Variants in ASF1B observed in about 807,000 individuals in gnomAD.
ASF1B encodes the protein histone chaperone ASF1B.
ASF1B carries 10 observed loss-of-function variants against 16.6 expected under a neutral mutation model. The ratio of observed to expected loss-of-function variants is 0.60; its 90% confidence interval spans 0.37 to 1.02. ASF1B has a LOEUF of 1.02. Ranked by LOEUF, ASF1B falls within the 50% of genes least tolerant of loss-of-function variation. The pLI is 0.01. For synonymous variants in ASF1B, 101 were observed against 106.2 expected, an observed-to-expected ratio of 0.95 and a Z score of 0.30; for missense variants, 240 against 266.0, an observed-to-expected ratio of 0.90 and a Z score of 0.68.
intron 1 of ASF1B, among the ~76,000 whole-genome samples, chr19:14,135,135 A>T (rs1234141168): frequency 6.6e-6 from 1 of 151,478 alleles, no homozygotes; most frequent in Non-Finnish European, 1.5e-5. Context: ...GAGGCAGAAG[A>T]ATCGCTTGAA....
chr19:14,123,759 C>G (rs887242049), intron 2 of ASF1B, among the ~76,000 whole-genome samples: 44 of 151,192 alleles, frequency 2.9e-4, no homozygotes, highest in Non-Finnish European at 3.4e-4. Flanking sequence ...CTGTAAACTC[C>G]TGGAACTCCT....
At chr19:14,128,564 T>C (rs568511100) in intron 1 of ASF1B, among the ~76,000 whole-genome samples, 1 of 152,280 alleles carries the variant, frequency 6.6e-6, no homozygotes, top group Non-Finnish European at 1.5e-5. Flanking sequence ...AGCCACAAAT[T>C]CCTGCGCTCA....
In ASF1B at chr19:14,136,443, G is replaced by A. The variant is rs761922509; in HGVS notation, c.14C>T (p.Ser5Leu). The change falls in exon 1 of 4, where the codon TCG (serine) becomes TTG (leucine). Residue 5 changes from serine (S) to leucine (L), a missense_variant. Transcript: ENST00000263382. The part of the protein sequence containing the change: MAKV[S>L]VLNVAVLENP... The stretch of plus-strand genomic sequence containing the variant: ...CTCCAGGACCGCCACGTTCAGCACC[G>A]ACACCTTGGCCATCGCCTCGCCTCG... 1.1e-5 allele frequency: 17 copies of A among 1,613,020 alleles called. No individual in the cohort carries two copies. The South Asian group carries it at 1.8e-4, about 17-fold the overall frequency.
Position 14,121,663 on chromosome 19 carries a change from C to G in ASF1B, c.271G>C (p.Gly91Arg), listed in dbSNP as rs1243951569. The G allele has an allele frequency of 6.2e-7, 1 of 1,613,966 alleles. No homozygotes were observed. Among genetic ancestry groups the G allele is most frequent in the South Asian group, 1.1e-5 (1 of 91,066 alleles). Residue 91 changes from glycine to arginine, a missense_variant, in exon 3 of 4, where the codon GGT becomes CGT. Coordinates refer to ENST00000263382, the MANE Select transcript of ASF1B (RefSeq NM_018154.3). ...CAGGTGATGAGGACCACAGTCACACCCACGGCATCAGTCTCTGGGATGAGG... is the reference window on the plus strand; with the variant it reads ...CAGGTGATGAGGACCACAGTCACACGCACGGCATCAGTCTCTGGGATGAGG... ...PSLIPETDAV[G>R]VTVVLITCTY...
chr19:14,121,418 G>A, intron 3 of ASF1B, 114 bp downstream of exon 3: 2 of 1,192,200 alleles, frequency 1.7e-6, no homozygotes, highest in Non-Finnish European at 2.4e-6. Context: ...TGTAAGAACT[G>A]AATATTACTT....
intron 1 of ASF1B, among the ~76,000 whole-genome samples, chr19:14,134,496 C>G (rs771593260): frequency 1.4e-4 from 22 of 151,950 alleles, no homozygotes; most frequent in Admixed American, 3.3e-4. Context: ...CATATCCTGG[C>G]TTCACAGGCC....
chr19:14,129,011 C>T (rs1266432538), intron 1 of ASF1B, among the ~76,000 whole-genome samples: 1 of 152,142 alleles, frequency 6.6e-6, no homozygotes, highest in Non-Finnish European at 1.5e-5. Flanking sequence ...CAATACTAAT[C>T]GGCAAAACCT....
At chr19:14,123,881 C>T (rs1011464028) in intron 2 of ASF1B, among the ~76,000 whole-genome samples, 4 of 151,804 alleles carry the variant, frequency 2.6e-5, no homozygotes, top group South Asian at 4.2e-4. Context: ...ACTTCCGCCC[C>T]CTGGATTCAA....
intron 2 of ASF1B, among the ~76,000 whole-genome samples, chr19:14,122,623 G>A (rs2144509517): frequency 6.6e-6 from 1 of 152,264 alleles, no homozygotes; most frequent in South Asian, 2.1e-4. Flanking sequence ...GCCTCCCAAA[G>A]GGCTGGGATT....
At chr19:14,128,916 C>T (rs1471129884) in intron 1 of ASF1B, among the ~76,000 whole-genome samples, 2 of 152,146 alleles carry the variant, frequency 1.3e-5, no homozygotes, top group Admixed American at 6.5e-5. Flanking sequence ...GAATCCTGTA[C>T]GGGTGCATTT....
intron 2 of ASF1B, among the ~76,000 whole-genome samples, chr19:14,122,137 G>A (rs1243440702): frequency 6.6e-6 from 1 of 152,004 alleles, no homozygotes; most frequent in East Asian, 1.9e-4. Context: ...CGCCATGTTG[G>A]CCAGGCTGGT....
At chr19:14,121,747 C>T in intron 2 of ASF1B, 39 bp from the exon 3 acceptor site, 1 of 1,555,724 alleles carries the variant, frequency 6.4e-7, no homozygotes, top group Non-Finnish European at 8.8e-7. Flanking sequence ...AGTGCCACAG[C>T]CATGCCTCGA....
chr19:14,120,777 T>C (rs1254699682), intron 3 of ASF1B, 112 bp from the exon 4 acceptor site: 6 of 854,648 alleles, frequency 7.0e-6, no homozygotes, highest in African/African-American at 6.9e-5. Flanking sequence ...AACCTACATA[T>C]GGAACTCCAG....
chr19:14,136,499 T>C lies in ASF1B; in HGVS notation c.-43A>G, dbSNP rs557778352. The C allele has an allele frequency of 3.2e-6, 5 of 1,581,802 alleles. No individual in the cohort carries two copies. The South Asian group carries it at 3.4e-5, about 11-fold the overall frequency. On this transcript the variant is annotated 5_prime_UTR_variant, in exon 1 of 4. Transcript: ENST00000263382. ...CCGCAGCAGGGGCAGGGGCTGTGGCTGTGGCGGAGGCCGCGCCTGGGTCCG... is the reference window on the plus strand; with the variant it reads ...CCGCAGCAGGGGCAGGGGCTGTGGCCGTGGCGGAGGCCGCGCCTGGGTCCG...
In ASF1B at chr19:14,128,764, TTA is replaced by T. The variant is rs547534022; in HGVS notation, c.110-2529_110-2528del. Among the ~76,000 whole-genome samples, 98 of 152,312 alleles carry T rather than the reference TTA, an allele frequency of 6.4e-4. 1 individual carries two copies. Among genetic ancestry groups the T allele is most frequent in the African/African-American group, 2.2e-3 (91 of 41,560 alleles). On this transcript the variant is annotated intron_variant, in intron 1 of 3. Transcript: ENST00000263382. ...GAGCCATCATGTCCAGCCTGTTGAT[TTA>T]TTTTTGTTACAAGTAGTGACACAAC...
chr19:14,126,146 T>C lies in ASF1B; in HGVS notation c.201A>G (p.Ala67=), dbSNP rs755843923. 2 of 1,604,384 alleles carry C rather than the reference T, an allele frequency of 1.2e-6. No individual in the cohort carries two copies. Among genetic ancestry groups the C allele is most frequent in the Non-Finnish European group, 8.5e-7 (1 of 1,177,082 alleles). Residue 67 remains alanine (A), a synonymous_variant, in exon 2 of 4, where the codon GCA becomes GCG. Transcript: ENST00000263382. ...LDSVLVGPVP[A]GRHMFVFQAD... ...CCTGAAAGACAAACATGTGTCTCCC[T>C]GCTGGCACAGGGCCCACCAGCACCG...
chr19:14,132,391 T>C (rs1391923932), intron 1 of ASF1B, among the ~76,000 whole-genome samples: 1 of 152,076 alleles, frequency 6.6e-6, no homozygotes, highest in African/African-American at 2.4e-5. Flanking sequence ...TCTCCCTTTT[T>C]CATGGAGAGG....
chr19:14,133,997 G>A (rs566053051), intron 1 of ASF1B, among the ~76,000 whole-genome samples: 401 of 151,826 alleles, frequency 2.6e-3, no homozygotes, highest in Non-Finnish European at 5.1e-3. Context: ...GTAGAGACGG[G>A]GTTTCACCGT....
At chr19:14,128,871 G>A (rs1967356211) in intron 1 of ASF1B, among the ~76,000 whole-genome samples, 1 of 152,178 alleles carries the variant, frequency 6.6e-6, no homozygotes, top group Non-Finnish European at 1.5e-5. Flanking sequence ...TCATTTTGGT[G>A]TATATCCTTG....
Sources: allele counts gnomAD v4.1 joint callset (sites outside exome capture counted in the v4.1 genomes callset), GRCh38; gene constraint gnomAD v4.1.1; transcripts MANE v1.5; gene names NCBI Gene and HGNC (gene_info 2026-07-23, HGNC 2026-07-21).